Variants in RASSF5 observed in about 807,000 individuals in gnomAD.
RASSF5 encodes the protein ras association domain-containing protein 5.
A neutral mutation model predicts 40.5 loss-of-function variants in RASSF5; 25 were observed. The observed-to-expected ratio is 0.62, with a 90% CI of 0.45 to 0.86. The LOEUF is 0.86. Among genes scored for constraint, RASSF5 ranks in the 40% least tolerant of loss-of-function variants. The pLI is 0.00. For synonymous variants in RASSF5, 246 were observed against 252.4 expected, an observed-to-expected ratio of 0.97 and a Z score of 0.24; for missense variants, 521 against 572.8, an observed-to-expected ratio of 0.91 and a Z score of 0.92.
chr1:206,528,780 G>A (rs1467769145), intron 1 of RASSF5: 1 of 342,310 alleles, frequency 2.9e-6, no homozygotes, highest in Non-Finnish European at 5.2e-6. Flanking sequence ...TCTCACACCT[G>A]TAATCCTAGC....
In RASSF5 at chr1:206,577,673, G is replaced by A. The variant is rs73080964; in HGVS notation, c.580-5596G>A. On this transcript the variant is annotated intron_variant, in intron 2 of 5. Coordinates refer to ENST00000579436, the MANE Select transcript of RASSF5 (RefSeq NM_182663.4). ...GGACACCATAGAGGACAAGACAGGC[G>A]TGGGTGCTTCTCTCACAGAACTCAG... 7.2e-3 allele frequency among the ~76,000 whole-genome samples: 1,104 copies of A among 152,306 alleles called. 13 individuals carry two copies. Among genetic ancestry groups the A allele is most frequent in the African/African-American group, 0.022 (897 of 41,556 alleles).
chr1:206,582,535 G>A (rs4489558), intron 2 of RASSF5, among the ~76,000 whole-genome samples: 41,715 of 152,182 alleles, frequency 0.27, 6,011 homozygotes, highest in East Asian at 0.49. Context: ...TGTATGCCAA[G>A]TACTTGGCAC....
intron 1 of RASSF5, among the ~76,000 whole-genome samples, chr1:206,534,240 C>T (rs1156733234): frequency 2.0e-5 from 3 of 152,132 alleles, no homozygotes; most frequent in Admixed American, 1.3e-4. Flanking sequence ...TTTCCCTTTA[C>T]AGTTGCCTCC....
Position 206,526,616 on chromosome 1 carries a change from ATCACAGTCTCTCCGCCT to A in RASSF5, c.458-11553_458-11537del, listed in dbSNP as rs1667103435. On this transcript the variant is annotated intron_variant, in intron 1 of 5. Coordinates refer to ENST00000579436, the MANE Select transcript of RASSF5 (RefSeq NM_182663.4). ...TGGCTGCAGACCTCCAGGCTTGACT[ATCACAGTCTCTCCGCCT>A]TCCCATTCACCAACATGACCTATCC... is the stretch of plus-strand genomic sequence containing the variant. Among the ~76,000 whole-genome samples, 5 of 152,224 alleles carry A rather than the reference ATCACAGTCTCTCCGCCT, an allele frequency of 3.3e-5. No individual in the cohort carries two copies. In the South Asian group the frequency reaches 1.0e-3, roughly 32 times the overall value.
In RASSF5 at chr1:206,588,255, A is replaced by G. The variant is rs1187993246; in HGVS notation, c.*1277A>G. The G allele has an allele frequency of 2.0e-5, 3 of 152,794 alleles. No individual in the cohort carries two copies. Among genetic ancestry groups the G allele is most frequent in the Admixed American group, 2.0e-4 (3 of 15,286 alleles). The allele number at this position is 152,794 out of a possible 1,614,324, so 9.5% of individuals were successfully genotyped here. On this transcript the variant is annotated 3_prime_UTR_variant, in exon 6 of 6. Transcript: ENST00000579436. ...GACAAGGCCAGGAGAGCCCGCGTTC[A>G]GTATGGGTTGAGGGTCACAGACCTC...
In RASSF5 at chr1:206,513,001, G is replaced by C. The variant is rs1202532370; in HGVS notation, c.457+4942G>C. Among the ~76,000 whole-genome samples the C allele has an allele frequency of 6.6e-6, 1 of 152,214 alleles. No individual in the cohort carries two copies. Among genetic ancestry groups the C allele is most frequent in the Non-Finnish European group, 1.5e-5 (1 of 68,044 alleles). On this transcript the variant is annotated intron_variant, in intron 1 of 5. Coordinates refer to ENST00000579436, the MANE Select transcript of RASSF5 (RefSeq NM_182663.4). The surrounding 1 kb of genome is among the most constrained non-coding windows in gnomAD (Gnocchi z 5.0). ...AGGAGTCACCTGCTGGCTTTGCCAG[G>C]GACAGTGGTAAAGTTAGAACCTCTC...
At chr1:206,576,009 A>T (rs116217606) in intron 2 of RASSF5, among the ~76,000 whole-genome samples, 2,420 of 152,262 alleles carry the variant, frequency 0.016, 72 homozygotes, top group African/African-American at 0.056. Context: ...CCCAATCAAC[A>T]GGTATTTATC....
intron 2 of RASSF5, among the ~76,000 whole-genome samples, chr1:206,578,232 A>AGTGTG (rs1553405555): frequency 0.011 from 1,471 of 130,460 alleles, 23 homozygotes; most frequent in African/African-American, 0.039. Context: ...CAAAAAAAAA[A>AGTGTG]AGTGTGTGTG....
chr1:206,533,886 GTATTCT>G (rs1667312389), intron 1 of RASSF5, among the ~76,000 whole-genome samples: 2 of 152,300 alleles, frequency 1.3e-5, no homozygotes, highest in Non-Finnish European at 2.9e-5. Flanking sequence ...AAGATGACTG[GTATTCT>G]TATAAGAAGA....
intron 2 of RASSF5, among the ~76,000 whole-genome samples, chr1:206,548,262 G>A (rs558625672): frequency 6.6e-6 from 1 of 152,292 alleles, no homozygotes; most frequent in African/African-American, 2.4e-5. Flanking sequence ...TTTGACTCAT[G>A]GTTCTGCAGA....
chr1:206,580,949 C>T (rs944779), intron 2 of RASSF5: 25 of 151,980 alleles, frequency 1.6e-4, no homozygotes, highest in African/African-American at 6.0e-4. Flanking sequence ...TTTGGTTTAA[C>T]AGCTGCTCAT....
chr1:206,566,622 C>A (rs1217845568), intron 2 of RASSF5, among the ~76,000 whole-genome samples: 1 of 152,198 alleles, frequency 6.6e-6, no homozygotes, highest in African/African-American at 2.4e-5. Flanking sequence ...CTATCCCCTC[C>A]GTTGGCTGGA....
intron 1 of RASSF5, among the ~76,000 whole-genome samples, chr1:206,526,614 C>G (rs1373342336): frequency 6.6e-6 from 1 of 152,164 alleles, no homozygotes; most frequent in Admixed American, 6.6e-5. Flanking sequence ...CCAGGCTTGA[C>G]TATCACAGTC....
chr1:206,561,955 A>G (rs1196232352), intron 2 of RASSF5, among the ~76,000 whole-genome samples: 2 of 152,004 alleles, frequency 1.3e-5, no homozygotes, highest in Non-Finnish European at 2.9e-5. Context: ...GGAGTGAGCC[A>G]CCGCACCCGG....
At position 206,584,517 on chromosome 1, in the gene RASSF5, C is replaced by T. The variant is rs149067883; in HGVS notation, c.821C>T (p.Thr274Met). The change falls in exon 4 of 6, where the codon ACG (threonine) becomes ATG (methionine). Residue 274 changes from threonine to methionine, a missense_variant. Around this residue, in one of 2 missense-constraint regions of RASSF5, gnomAD observed 284 missense variants for 360.8 expected, o/e 0.79. Transcript: ENST00000579436. The surrounding 1 kb of genome is among the most constrained non-coding windows in gnomAD (Gnocchi z 4.9). ...AAGGAGGTGAACCTGGCGGCTACCA[C>T]GGACAAGCGGACATCCTTCTACCTG... Reference protein sequence around the residue: ...AIKEVNLAATTDKRTSFYLPL... With the variant: ...AIKEVNLAATMDKRTSFYLPL... 1,598 of 1,614,142 alleles carry T rather than the reference C, an allele frequency of 9.9e-4. 34 individuals are homozygous for T. In the Admixed American group the frequency reaches 0.025, roughly 25 times the overall value.
chr1:206,543,921 T>C (rs1553399761), intron 2 of RASSF5: 1 of 152,072 alleles, frequency 6.6e-6, no homozygotes, highest in Non-Finnish European at 1.5e-5. Context: ...GCCAGGCTAA[T>C]TTTTGTATTT....
In RASSF5 at chr1:206,507,716, C is replaced by T; in HGVS notation, c.114C>T (p.Pro38=). 1 of 1,486,738 alleles carries T rather than the reference C, an allele frequency of 6.7e-7. No homozygotes were observed. The highest frequency in any genetic ancestry group is 8.9e-7 in the Non-Finnish European group (1 of 1,125,214). 92.1% of individuals were successfully genotyped at this position (1,486,738 alleles called of 1,614,324 possible). ...GCCCCGAGCTACCGCCGCCGCCCCC[C>T]GACCGGTCCTCGCGCCTCTGTGTCC... ...LSGPELPPPP[P]DRSSRLCVPA... The change falls in exon 1 of 6, where the codon CCC becomes CCT. Residue 38 remains proline (P), a synonymous_variant. Transcript: ENST00000579436.
At chr1:206,575,022 GTTT>G (rs1572356326) in intron 2 of RASSF5, among the ~76,000 whole-genome samples, 1 of 110,240 alleles carries the variant, frequency 9.1e-6, no homozygotes, top group East Asian at 2.7e-4. Flanking sequence ...TAATTTTTTT[GTTT>G]TTGTTTTTGT....
rs552550029 is a variant in RASSF5 at position 206,528,933 on chromosome 1, G to A, written c.458-9239G>A. The A allele has an allele frequency of 1.5e-4, 92 of 614,056 alleles. No homozygotes were observed. In the African/African-American group the frequency reaches 1.5e-3, roughly 10 times the overall value. The allele number at this position is 614,056 out of a possible 1,614,324, so 38.0% of individuals were successfully genotyped here. A position where few individuals can be genotyped will look rare whatever the true frequency, so the allele number is the denominator to read the frequency against. ...GCCCAAGATGCTGAAAGGAAAGAAG[G>A]CCAAGGGGAAGAAGGTGGCTCCTGT... On this transcript the variant is annotated intron_variant, in intron 1 of 5. Transcript: ENST00000579436.
Sources: gnomAD v4.1 joint callset for allele counts (sites outside exome capture counted in the v4.1 genomes callset) on GRCh38, gnomAD v4.1.1 for gene constraint, gnomAD v4.1.1 regional missense constraint, Gnocchi (gnomAD v3.1) non-coding constraint, MANE v1.5 for transcripts, NCBI Gene and HGNC (gene_info 2026-07-23, HGNC 2026-07-21) for gene names.